SLC9A3: variants seen among roughly 807,000 people sequenced by gnomAD.
SLC9A3 encodes the protein solute carrier family 9 member A3.
A neutral mutation model predicts 86.8 loss-of-function variants in SLC9A3; 37 were observed. The ratio of observed to expected loss-of-function variants is 0.43; its 90% CI spans 0.33 to 0.56. The LOEUF (loss-of-function observed/expected upper bound fraction) is 0.56. SLC9A3 is among the 20% of genes least tolerant of loss of function. The probability of loss-of-function intolerance (pLI) is 0.06; values close to 1 mark genes in which losing one functional copy is unlikely to be tolerated. For missense variants in SLC9A3, 1,011 were observed against 1,171.9 expected, an observed-to-expected ratio of 0.86 and a Z score of 2.00; for synonymous variants, 581 against 528.3, an observed-to-expected ratio of 1.10 and a Z score of -1.37.
At chr5:479,639 C>G (rs565811254) in intron 10 of SLC9A3, 197 bp downstream of exon 10, 7 of 582,998 alleles carry the variant, frequency 1.2e-5, no homozygotes, top group Non-Finnish European at 1.8e-5. Context: ...CACCAGGACT[C>G]TGTGACTCAG....
At chr5:481,072 T>TAGAG (rs1388834716) in intron 9 of SLC9A3, among the ~76,000 whole-genome samples, 22 of 152,088 alleles carry the variant, frequency 1.4e-4, no homozygotes, top group African/African-American at 5.1e-4. Context: ...GTATTTTTAG[T>TAGAG]AGAGACGGGG....
At position 524,306 on chromosome 5, in the gene SLC9A3, G is replaced by T; in HGVS notation, c.17C>A (p.Ala6Asp). The T allele has an allele frequency of 3.9e-6, 5 of 1,281,620 alleles. No individual in the cohort carries two copies. Among genetic ancestry groups the T allele is most frequent in the Non-Finnish European group, 4.0e-6 (4 of 1,010,610 alleles). 79.4% of individuals were successfully genotyped at this position (1,281,620 alleles called of 1,614,324 possible). A position where few individuals can be genotyped will look rare whatever the true frequency, so the allele number is the denominator to read the frequency against. Reference sequence around the variant, plus strand: ...CAGCAGCCCCCGGTCGGGGCCCCGGGCCCCGAGTCCCCACATTGCCGCCTG... The same window carrying T: ...CAGCAGCCCCCGGTCGGGGCCCCGGTCCCCGAGTCCCCACATTGCCGCCTG... MWGLG[A>D]RGPDRGLLLA... Residue 6 changes from alanine to aspartate, a missense_variant, in exon 1 of 17, where the codon GCC becomes GAC. Physicochemically the swap from Ala to Asp is moderately radical, Grantham distance 126. Coordinates refer to ENST00000264938, the MANE Select transcript of SLC9A3 (RefSeq NM_004174.4).
At position 475,873 on chromosome 5, in the gene SLC9A3, G is replaced by A. The variant is rs1738694168; in HGVS notation, c.2140+147C>T. On this transcript the variant is annotated intron_variant, in intron 14 of 16. Transcript: ENST00000264938. ...CCCCATCCTGGGTGGGTCTGCAGCT[G>A]GGGCCCTGACCATGCCTCCCCTGCC... 15 of 760,674 alleles carry A rather than the reference G, an allele frequency of 2.0e-5. No homozygotes were observed. In the South Asian group the frequency reaches 2.7e-4, roughly 14 times the overall value. The allele number at this position is 760,674 out of a possible 1,614,324, so 47.1% of individuals were successfully genotyped here.
At position 471,065 on chromosome 5, in the gene SLC9A3, G is replaced by C. The variant is rs2126594363; in HGVS notation, c.*2314C>G. ...GAGCAGCCTGGGCTGCCGTGAGTGA[G>C]GTGTTCTCACTCTGGTTCCGTGTTT... is the stretch of plus-strand genomic sequence containing the variant. On this transcript the variant is annotated 3_prime_UTR_variant, in exon 17 of 17. Coordinates refer to ENST00000264938, the MANE Select transcript of SLC9A3 (RefSeq NM_004174.4). The C allele has an allele frequency of 6.5e-6, 1 of 152,774 alleles. No individual in the cohort carries two copies. Among genetic ancestry groups the C allele is most frequent in the East Asian group, 1.9e-4 (1 of 5,320 alleles). 9.5% of individuals were successfully genotyped at this position (152,774 alleles called of 1,614,324 possible). A position where few individuals can be genotyped will look rare whatever the true frequency, so the allele number is the denominator to read the frequency against.
chr5:500,366 G>A (rs1257680051), intron 1 of SLC9A3, among the ~76,000 whole-genome samples: 1 of 152,242 alleles, frequency 6.6e-6, no homozygotes, highest in Admixed American at 6.5e-5. Context: ...TGCGACTGGC[G>A]TGGATCCCTG....
At chr5:500,216 T>G (rs1449119002) in intron 1 of SLC9A3, among the ~76,000 whole-genome samples, 1 of 152,144 alleles carries the variant, frequency 6.6e-6, no homozygotes, top group Non-Finnish European at 1.5e-5. Context: ...TGTGGGACCC[T>G]CCCGAGACGC....
Position 473,150 on chromosome 5 carries a change from C to CGCCCCCGGCGCAGGCCCT in SLC9A3, c.*228_*229insAGGGCCTGCGCCGGGGGC. ...TCGGCAGCCCTCGGCGCTCCGGCCCCGCCCCCGGCGCAGGCCCCGCCCCCG... is the reference window on the plus strand; with the variant it reads ...TCGGCAGCCCTCGGCGCTCCGGCCCCGCCCCCGGCGCAGGCCCTGCCCCCGGCGCAGGCCCCGCCCCCG... On this transcript the variant is annotated 3_prime_UTR_variant, in exon 17 of 17. Coordinates refer to ENST00000264938, the MANE Select transcript of SLC9A3 (RefSeq NM_004174.4). 3 of 355,000 alleles carry CGCCCCCGGCGCAGGCCCT rather than the reference C, an allele frequency of 8.5e-6. No individual in the cohort carries two copies. Among genetic ancestry groups the CGCCCCCGGCGCAGGCCCT allele is most frequent in the Non-Finnish European group, 1.4e-5 (3 of 215,930 alleles). 22.0% of individuals were successfully genotyped at this position (355,000 alleles called of 1,614,324 possible).
chr5:492,374 A>T (rs879496264), intron 1 of SLC9A3, among the ~76,000 whole-genome samples: 1 of 61,044 alleles, frequency 1.6e-5, no homozygotes, highest in Non-Finnish European at 3.0e-5. Flanking sequence ...GGAGGGAGGT[A>T]GGGGGGAACC....
chr5:496,402 G>C lies in SLC9A3; in HGVS notation c.212-4331C>G, dbSNP rs1279884338. Among the ~76,000 whole-genome samples, 1 of 152,232 alleles carries C rather than the reference G, an allele frequency of 6.6e-6. No individual in the cohort carries two copies. The highest frequency in any genetic ancestry group is 2.4e-5 in the African/African-American group (1 of 41,462). ...TGAGGGGCCCAACCTAACAGCCTCT[G>C]ACGACCTGTGGGTGACGCGTGAACG... On this transcript the variant is annotated intron_variant, in intron 1 of 16. Transcript: ENST00000264938. This position sits in a 1 kb window ranked among gnomAD's most constrained non-coding sequence, Gnocchi z 4.7.
intron 1 of SLC9A3, among the ~76,000 whole-genome samples, chr5:515,725 A>C (rs1342666174): frequency 2.8e-4 from 34 of 121,034 alleles, no homozygotes; most frequent in Non-Finnish European, 5.1e-4. Context: ...AACCCCTGCC[A>C]CTCACACACC....
rs759075632 is a variant in SLC9A3 at position 477,465 on chromosome 5, G to A, written c.1648-21C>T. On this transcript the variant is annotated intron_variant, in intron 10 of 16. Transcript: ENST00000264938. ...TCTCCCTGTGGTCAGGAAGCAGCCC[G>A]GTCAGTGGCCTGAGCAGCCAAGCCC... 55 of 1,577,562 alleles carry A rather than the reference G, an allele frequency of 3.5e-5. 1 individual carries two copies. Among genetic ancestry groups the A allele is most frequent in the South Asian group, 1.7e-4 (15 of 89,660 alleles).
chr5:508,986 T>G (rs1560972499), intron 1 of SLC9A3, among the ~76,000 whole-genome samples: 1 of 151,712 alleles, frequency 6.6e-6, no homozygotes, highest in African/African-American at 2.4e-5. Flanking sequence ...GCTTTGCCTG[T>G]GGTCCCAGCT....
rs1429805627 is a variant in SLC9A3 at position 496,144 on chromosome 5, G to A, written c.212-4073C>T. ...ATATACATATATACGCACAAACGCC[G>A]CATAGGTGGGAGGGCGGCGGTTTGG... On this transcript the variant is annotated intron_variant, in intron 1 of 16. Coordinates refer to ENST00000264938, the MANE Select transcript of SLC9A3 (RefSeq NM_004174.4). This position sits in a 1 kb window ranked among gnomAD's most constrained non-coding sequence, Gnocchi z 4.7. Among the ~76,000 whole-genome samples, 1 of 152,248 alleles carries A rather than the reference G, an allele frequency of 6.6e-6. No individual in the cohort carries two copies. The highest frequency in any genetic ancestry group is 1.5e-5 in the Non-Finnish European group (1 of 68,036).
At chr5:516,313 A>G (rs1733731444) in intron 1 of SLC9A3, among the ~76,000 whole-genome samples, 1 of 151,940 alleles carries the variant, frequency 6.6e-6, no homozygotes, top group South Asian at 2.1e-4. Context: ...TTGAATGAAT[A>G]TTAAACTGGA....
In SLC9A3 at chr5:475,022, G is replaced by C; in HGVS notation, c.2362C>G (p.Arg788Gly). The change falls in exon 16 of 17, where the codon CGC becomes GGC. Residue 788 changes from arginine (R) to glycine (G), a missense_variant. Arg to Gly is a moderately radical substitution (Grantham distance 125, BLOSUM62 -2). Around this residue, in one of 3 missense-constraint regions of SLC9A3, gnomAD observed 397 missense variants for 346.3 expected, o/e 1.15. Coordinates refer to ENST00000264938, the MANE Select transcript of SLC9A3 (RefSeq NM_004174.4). ...GETVVPSQRA[R>G]TQIPYSPGTF... ...CCGGGAGAGTAGGGAATCTGCGTGC[G>C]GGCCCTCTGCGAGGGGACCACCGTC... The C allele has an allele frequency of 2.5e-6, 4 of 1,612,280 alleles. No individual in the cohort carries two copies. The highest frequency in any genetic ancestry group is 3.4e-6 in the Non-Finnish European group (4 of 1,179,742).
Position 497,671 on chromosome 5 carries a change from G to A in SLC9A3, c.212-5600C>T, listed in dbSNP as rs1342119149. 1.3e-5 allele frequency among the ~76,000 whole-genome samples: 2 copies of A among 152,204 alleles called. No individual in the cohort carries two copies. Among genetic ancestry groups the A allele is most frequent in the Non-Finnish European group, 2.9e-5 (2 of 68,006 alleles). On this transcript the variant is annotated intron_variant, in intron 1 of 16. Transcript: ENST00000264938. The surrounding 1 kb of genome is among the most constrained non-coding windows in gnomAD (Gnocchi z 5.4). ...AGATCCCCTGCAGCCCCCCTGAGCC[G>A]CTGACCCTGACCCCTGGGAGTGAAG...
intron 1 of SLC9A3, among the ~76,000 whole-genome samples, chr5:502,863 G>C (rs1309935348): frequency 1.8e-5 from 2 of 110,064 alleles, no homozygotes; most frequent in African/African-American, 5.2e-5. Context: ...TGGGCGCTGT[G>C]TTCCAGTGAA....
intron 1 of SLC9A3, among the ~76,000 whole-genome samples, chr5:492,959 G>A (rs1371264540): frequency 1.3e-5 from 2 of 152,192 alleles, no homozygotes; most frequent in Admixed American, 1.3e-4. Flanking sequence ...TGAGCTTAAG[G>A]GTGGACAGCA....
chr5:476,339 C>G lies in SLC9A3; in HGVS notation c.1930G>C (p.Glu644Gln). Residue 644 changes from glutamate to glutamine, a missense_variant, in exon 13 of 17, where the codon GAG becomes CAG. By Grantham distance (29) the Glu-to-Gln change is conservative (BLOSUM62 2). This residue lies in a region of SLC9A3 where 397 missense variants were observed against 346.3 expected (regional missense o/e 1.15). Coordinates refer to ENST00000264938, the MANE Select transcript of SLC9A3 (RefSeq NM_004174.4). ...LYSRHELTPT[E>Q]DEKQDREIFH... is the part of the protein sequence containing the mutation. ...ATTTCCCGGTCCTGTTTCTCGTCCT[C>G]CGTGGGCGTGAGCTCGTGTCGGCTG... is the stretch of plus-strand genomic sequence containing the variant. 6.2e-7 allele frequency: 1 copy of G among 1,613,938 alleles called. No individual in the cohort carries two copies. The highest frequency in any genetic ancestry group is 1.1e-5 in the South Asian group (1 of 91,086).
Sources: allele counts gnomAD v4.1 joint callset (sites outside exome capture counted in the v4.1 genomes callset), GRCh38; gene constraint gnomAD v4.1.1; regional missense constraint gnomAD v4.1.1; non-coding constraint Gnocchi (gnomAD v3.1); transcripts MANE v1.5; gene names NCBI Gene and HGNC (gene_info 2026-07-23, HGNC 2026-07-21).